Variants in PAXIP1 observed in about 807,000 individuals in gnomAD.
PAXIP1 encodes PAX interacting protein 1.
In PAXIP1, 19 loss-of-function variants were observed where a neutral mutation model predicts 140.6. The ratio of observed to expected loss-of-function variants is 0.14; its 90% CI spans 0.09 to 0.20. The LOEUF (loss-of-function observed/expected upper bound fraction) is 0.20. Ranked by LOEUF, PAXIP1 falls within the 10% of genes least tolerant of loss-of-function variation. The pLI is 1.00. For missense variants in PAXIP1, 920 were observed against 1,208.6 expected (o/e 0.76, Z 3.54); for synonymous variants, 442 against 444.6 (o/e 0.99, Z 0.07).
At chr7:154,981,837 A>G (rs1809855885) in intron 5 of PAXIP1, among the ~76,000 whole-genome samples, 2 of 152,242 alleles carry the variant, frequency 1.3e-5, no homozygotes, top group South Asian at 2.1e-4. Context: ...AAATTAGTCT[A>G]AAGTCAATAA....
At chr7:154,972,404 G>A (rs1809371909) in intron 6 of PAXIP1, among the ~76,000 whole-genome samples, 2 of 152,126 alleles carry the variant, frequency 1.3e-5, no homozygotes, top group Non-Finnish European at 2.9e-5. Context: ...CAAGAGAATC[G>A]CCTAAACCAG....
rs1458364124 is a variant in PAXIP1, at chr7:154,963,736, G to C, written c.1924C>G (p.Pro642Ala). The stretch of plus-strand genomic sequence containing the variant: ...TGCGTGCATCGACTCGTGAAGGTGG[G>C]GTCAACAGTGCCGCCATGTGCCTGG... Reference protein sequence around the residue: ...IIQAHGGTVDPTFTSRCTHLL... With the variant: ...IIQAHGGTVDATFTSRCTHLL... Residue 642 changes from proline (P) to alanine (A), a missense_variant, in exon 9 of 21, where the codon CCC becomes GCC. Coordinates refer to ENST00000404141, the MANE Select transcript of PAXIP1 (RefSeq NM_007349.4). This position sits in a 1 kb window ranked among gnomAD's most constrained non-coding sequence, Gnocchi z 4.1. 3 of 1,613,326 alleles carry C rather than the reference G, an allele frequency of 1.9e-6. No homozygotes were observed. The highest frequency in any genetic ancestry group is 2.5e-6 in the Non-Finnish European group (3 of 1,179,700).
intron 16 of PAXIP1, 180 bp from the exon 17 acceptor site, chr7:154,948,183 G>C: frequency 3.5e-6 from 2 of 575,620 alleles, no homozygotes; most frequent in South Asian, 2.2e-5. Context: ...AAAACAGCCA[G>C]ACCAAAAAGA....
At chr7:155,002,794 GGACGGA>G (rs1810987189) in intron 1 of PAXIP1, 49 bp downstream of exon 1, 2 of 1,021,340 alleles carry the variant, frequency 2.0e-6, no homozygotes, top group African/African-American at 3.7e-5. Flanking sequence ...ACGGGGACGG[GGACGGA>G]CGGGGACGCG....
At chr7:154,967,561 T>C (rs1809077789) in intron 8 of PAXIP1, 6 of 447,282 alleles carry the variant, frequency 1.3e-5, no homozygotes, top group Non-Finnish European at 2.4e-5. Context: ...ATTATACACA[T>C]ATAATTAGTG....
chr7:154,944,484 C>G (rs1262097567), intron 20 of PAXIP1: 2 of 194,372 alleles, frequency 1.0e-5, no homozygotes, highest in East Asian at 1.3e-4. Flanking sequence ...CCCCCAAGAG[C>G]TGACATCCCC....
chr7:154,945,513 C>T (rs1327267799), intron 20 of PAXIP1: 3 of 985,382 alleles, frequency 3.0e-6, no homozygotes, highest in Non-Finnish European at 3.6e-6. Context: ...ACCTCTGCGC[C>T]TTACTGAAGC....
chr7:154,973,976 C>G lies in PAXIP1; in HGVS notation c.1074+1720G>C, dbSNP rs1809449994. Among the ~76,000 whole-genome samples, 1 of 152,200 alleles carries G rather than the reference C, an allele frequency of 6.6e-6. No individual in the cohort carries two copies. Among genetic ancestry groups the G allele is most frequent in the Admixed American group, 6.5e-5 (1 of 15,280 alleles). ...GCTGGCTCTCAATGGTGCGGCTCCT[C>G]AGAGCCTGGCCCCAGACCCTCCTCT... On this transcript the variant is annotated intron_variant, in intron 6 of 20. Transcript: ENST00000404141. This position sits in a 1 kb window ranked among gnomAD's most constrained non-coding sequence, Gnocchi z 4.0.
In PAXIP1 at chr7:154,973,835, G is replaced by C. The variant is rs990612853; in HGVS notation, c.1074+1861C>G. Among the ~76,000 whole-genome samples, 6 of 152,226 alleles carry C rather than the reference G, an allele frequency of 3.9e-5. No individual in the cohort carries two copies. Among genetic ancestry groups the C allele is most frequent in the African/African-American group, 1.4e-4 (6 of 41,454 alleles). The stretch of plus-strand genomic sequence containing the variant: ...AGAATACTGGATCCGGCTTCAGGTT[G>C]TTCCTATATGCTACAGAGCCATTTT... On this transcript the variant is annotated intron_variant, in intron 6 of 20. Coordinates refer to ENST00000404141, the MANE Select transcript of PAXIP1 (RefSeq NM_007349.4). The surrounding 1 kb of genome is among the most constrained non-coding windows in gnomAD (Gnocchi z 4.0).
intron 1 of PAXIP1, chr7:155,000,541 T>A (rs1810842448): frequency 6.6e-6 from 1 of 152,318 alleles, no homozygotes; most frequent in South Asian, 2.1e-4. Flanking sequence ...AGGCACCTTC[T>A]CTATTTCCTT....
intron 7 of PAXIP1, 54 bp downstream of exon 7, chr7:154,968,349 T>G: frequency 6.9e-7 from 1 of 1,440,774 alleles, no homozygotes; most frequent in Non-Finnish European, 9.3e-7. Flanking sequence ...TCTCAAAGCA[T>G]TTATGTGGGT....
intron 16 of PAXIP1, 46 bp from the exon 17 acceptor site, chr7:154,948,049 A>G (rs200635956): frequency 1.6e-6 from 2 of 1,287,544 alleles, no homozygotes; most frequent in African/African-American, 1.5e-5. Context: ...GGACACGTGA[A>G]GTGTGGCAAG....
At chr7:154,987,853 T>C (rs1247992786) in intron 4 of PAXIP1, among the ~76,000 whole-genome samples, 12 of 152,202 alleles carry the variant, frequency 7.9e-5, no homozygotes, top group African/African-American at 2.7e-4. Flanking sequence ...TCCCATGTTG[T>C]ATCTGCTACC....
chr7:154,964,780 C>A (rs1355791295), intron 8 of PAXIP1: 2 of 152,212 alleles, frequency 1.3e-5, no homozygotes, highest in Non-Finnish European at 2.9e-5. Flanking sequence ...TGACTTAACA[C>A]AATGTAGCCC....
Position 155,002,951 on chromosome 7 carries a change from TCCGCGGCGGCGCCCGGCC to T in PAXIP1, c.-40_-23del. The stretch of plus-strand genomic sequence containing the variant: ...ACATGATCGCGGCGGCCCGGGAGGC[TCCGCGGCGGCGCCCGGCC>T]CCGCCCACCCCCCGCCCCCGGCCCC... On this transcript the variant is annotated 5_prime_UTR_variant, in exon 1 of 21. Transcript: ENST00000404141. 1 of 1,184,902 alleles carries T rather than the reference TCCGCGGCGGCGCCCGGCC, an allele frequency of 8.4e-7. No homozygotes were observed. Among genetic ancestry groups the T allele is most frequent in the Non-Finnish European group, 1.1e-6 (1 of 930,798 alleles). 73.4% of individuals were successfully genotyped at this position (1,184,902 alleles called of 1,614,324 possible). A position where few individuals can be genotyped will look rare whatever the true frequency, so the allele number is the denominator to read the frequency against.
intron 5 of PAXIP1, among the ~76,000 whole-genome samples, chr7:154,979,416 C>T (rs1211427448): frequency 6.6e-6 from 1 of 152,090 alleles, no homozygotes; most frequent in South Asian, 2.1e-4. Context: ...TTTTTGTGTA[C>T]AGTCAGCTGG....
chr7:154,963,812 A>G lies in PAXIP1; in HGVS notation c.1894-46T>C. ...AATGCAGTCATCAATCACTCAGAAT[A>G]GAGGAGAATTCCAATTTCAAATAAG... is the stretch of plus-strand genomic sequence containing the variant. On this transcript the variant is annotated intron_variant, in intron 8 of 20. Coordinates refer to ENST00000404141, the MANE Select transcript of PAXIP1 (RefSeq NM_007349.4). The surrounding 1 kb of genome is among the most constrained non-coding windows in gnomAD (Gnocchi z 4.1). 2 of 1,306,118 alleles carry G rather than the reference A, an allele frequency of 1.5e-6. No individual in the cohort carries two copies. The highest frequency in any genetic ancestry group is 2.2e-6 in the Non-Finnish European group (2 of 908,460). 80.9% of individuals were successfully genotyped at this position (1,306,118 alleles called of 1,614,324 possible).
At chr7:154,977,133 T>C (rs1809617644) in intron 5 of PAXIP1, among the ~76,000 whole-genome samples, 1 of 151,784 alleles carries the variant, frequency 6.6e-6, no homozygotes, top group South Asian at 2.1e-4. Flanking sequence ...GTGTCCGGAG[T>C]AGTATGTTCG....
rs1305233701 is a variant in PAXIP1 at position 155,002,967 on chromosome 7, GC to G, written c.-39del. On this transcript the variant is annotated 5_prime_UTR_variant, in exon 1 of 21. Transcript: ENST00000404141. Reference sequence around the variant, plus strand: ...CCGGGAGGCTCCGCGGCGGCGCCCGGCCCCGCCCACCCCCCGCCCCCGGCCC... The same window carrying G: ...CCGGGAGGCTCCGCGGCGGCGCCCGGCCCGCCCACCCCCCGCCCCCGGCCC... 49 of 976,174 alleles carry G rather than the reference GC, an allele frequency of 5.0e-5. No homozygotes were observed. Among genetic ancestry groups the G allele is most frequent in the Non-Finnish European group, 5.9e-5 (47 of 794,288 alleles). The allele number at this position is 976,174 out of a possible 1,614,324, so 60.5% of individuals were successfully genotyped here.
Sources: allele counts gnomAD v4.1 joint callset (sites outside exome capture counted in the v4.1 genomes callset), GRCh38; gene constraint gnomAD v4.1.1; non-coding constraint Gnocchi (gnomAD v3.1); transcripts MANE v1.5; gene names NCBI Gene and HGNC (gene_info 2026-07-23, HGNC 2026-07-21).